The following CDC42BPA variants were observed in gnomAD, a reference collection of about 807,000 sequenced individuals.
The protein encoded by CDC42BPA is CDC42 binding protein kinase alpha.
In CDC42BPA, 80 loss-of-function variants were observed where a neutral mutation model predicts 223.5. The ratio of observed to expected loss-of-function variants is 0.36; its 90% CI spans 0.30 to 0.43. CDC42BPA has a LOEUF of 0.43. CDC42BPA is among the 20% of genes least tolerant of loss of function. CDC42BPA has a pLI of 1.00. For synonymous variants in CDC42BPA, 694 were observed against 718.6 expected, an observed-to-expected ratio of 0.97 and a Z score of 0.55; for missense variants, 1,743 against 2,099.9, an observed-to-expected ratio of 0.83 and a Z score of 3.32.
At chr1:227,217,299 T>C (rs1438828780) in intron 2 of CDC42BPA, among the ~76,000 whole-genome samples, 2 of 151,736 alleles carry the variant, frequency 1.3e-5, no homozygotes, top group Admixed American at 1.3e-4. Flanking sequence ...ATACAAAAAT[T>C]GGCTGGGTGT....
intron 5 of CDC42BPA, among the ~76,000 whole-genome samples, chr1:227,191,943 A>AC (rs1183516671): frequency 2.1e-5 from 3 of 142,972 alleles, no homozygotes; most frequent in South Asian, 2.3e-4. Context: ...ACACAGTGAG[A>AC]CCCCCATCTC....
chr1:227,175,680 C>T lies in CDC42BPA; in HGVS notation c.600-15044G>A, dbSNP rs114479170. Among the ~76,000 whole-genome samples, 300 of 152,184 alleles carry T rather than the reference C, an allele frequency of 2.0e-3. 3 individuals are homozygous for T. Among genetic ancestry groups the T allele is most frequent in the African/African-American group, 6.9e-3 (285 of 41,534 alleles). On this transcript the variant is annotated intron_variant, in intron 5 of 36. Transcript: ENST00000366766. The stretch of plus-strand genomic sequence containing the variant: ...TTAAATTTGAAATTTTCCCATCTTA[C>T]GCCACTAGTAACCTTTCCAATTTGA...
In CDC42BPA at chr1:227,002,944, TA is replaced by T. The variant is rs368057666; in HGVS notation, c.4975+2049del. On this transcript the variant is annotated intron_variant, in intron 35 of 36. Coordinates refer to ENST00000366766, the MANE Select transcript of CDC42BPA (RefSeq NM_001394014.1). ...CTGACCCTGAGGCAGTGTGAGATAATAAATGTTTGCTATTTTAAGCTATGAG... is the reference window on the plus strand; with the variant it reads ...CTGACCCTGAGGCAGTGTGAGATAATAATGTTTGCTATTTTAAGCTATGAG... Among the ~76,000 whole-genome samples, 36 of 152,320 alleles carry T rather than the reference TA, an allele frequency of 2.4e-4. No homozygotes were observed. The South Asian group carries it at 7.3e-3, about 31-fold the overall frequency.
chr1:227,155,531 T>C (rs1662587566), intron 6 of CDC42BPA, among the ~76,000 whole-genome samples: 1 of 151,968 alleles, frequency 6.6e-6, no homozygotes, highest in African/African-American at 2.4e-5. Context: ...ACCTATGCAG[T>C]AGGTCTCTAG....
chr1:227,083,635 C>A (rs1681183542), intron 16 of CDC42BPA, among the ~76,000 whole-genome samples: 1 of 152,114 alleles, frequency 6.6e-6, no homozygotes, highest in South Asian at 2.1e-4. Flanking sequence ...TTACTGCATG[C>A]CACATATCGT....
At chr1:227,066,388 C>CA (rs60663061) in intron 21 of CDC42BPA, among the ~76,000 whole-genome samples, 51 of 144,514 alleles carry the variant, frequency 3.5e-4, no homozygotes, top group East Asian at 1.2e-3. Context: ...AACTCTGTCT[C>CA]AAAAAAAAAA....
At chr1:227,092,359 G>A (rs903613270) in intron 15 of CDC42BPA, among the ~76,000 whole-genome samples, 25 of 152,152 alleles carry the variant, frequency 1.6e-4, no homozygotes, top group Admixed American at 4.6e-4. Flanking sequence ...GTTCTAAATT[G>A]TATATATATG....
chr1:227,163,577 T>G (rs544260551), intron 5 of CDC42BPA, among the ~76,000 whole-genome samples: 1 of 152,022 alleles, frequency 6.6e-6, no homozygotes, highest in African/African-American at 2.4e-5. Context: ...CCTGTTAATA[T>G]CCCTTGCCGT....
intron 35 of CDC42BPA, among the ~76,000 whole-genome samples, chr1:227,002,458 T>C (rs749402860): frequency 2.0e-5 from 3 of 152,248 alleles, no homozygotes; most frequent in East Asian, 1.9e-4. Flanking sequence ...TTCTTGTCAA[T>C]TGAAAGCTCC....
intron 5 of CDC42BPA, among the ~76,000 whole-genome samples, chr1:227,173,052 T>C (rs1470931013): frequency 6.6e-6 from 1 of 152,174 alleles, no homozygotes; most frequent in East Asian, 1.9e-4. Flanking sequence ...CTATGCTAAA[T>C]AGTTCTGTAC....
At chr1:227,303,021 T>TTC (rs56967543) in intron 1 of CDC42BPA, among the ~76,000 whole-genome samples, 2 of 148,550 alleles carry the variant, frequency 1.3e-5, no homozygotes, top group African/African-American at 2.4e-5. Flanking sequence ...TTTTTTTTTT[T>TTC]CGAAGTTATG....
At chr1:227,221,693 AAAC>A (rs1675932719) in intron 2 of CDC42BPA, among the ~76,000 whole-genome samples, 1 of 151,898 alleles carries the variant, frequency 6.6e-6, no homozygotes, top group African/African-American at 2.4e-5. Context: ...TGGGCTCAGA[AAAC>A]AATACTCCAA....
chr1:227,247,083 C>G lies in CDC42BPA; in HGVS notation c.270+6981G>C, dbSNP rs1681106491. ...AGGGGTGGTGGTGGGTGCCTGTAAT[C>G]CCAGCTACTCAGCAGGCTGACATGG... On this transcript the variant is annotated intron_variant, in intron 2 of 36. Transcript: ENST00000366766. 2.0e-5 allele frequency among the ~76,000 whole-genome samples: 3 copies of G among 151,806 alleles called. No individual in the cohort carries two copies. The South Asian group carries it at 6.3e-4, about 32-fold the overall frequency.
At chr1:227,054,335 T>C (rs1330193205) in intron 21 of CDC42BPA, among the ~76,000 whole-genome samples, 2 of 152,232 alleles carry the variant, frequency 1.3e-5, no homozygotes, top group Non-Finnish European at 2.9e-5. Flanking sequence ...TTACAGCAGG[T>C]CTGCTCTTTG....
At chr1:227,099,935 A>G (rs1684690355) in intron 15 of CDC42BPA, among the ~76,000 whole-genome samples, 1 of 152,098 alleles carries the variant, frequency 6.6e-6, no homozygotes, top group African/African-American at 2.4e-5. Flanking sequence ...ATGGGACAGG[A>G]ATTTTTTTCA....
intron 2 of CDC42BPA, chr1:227,234,832 G>A (rs1325096851): frequency 6.6e-6 from 1 of 152,178 alleles, no homozygotes; most frequent in Non-Finnish European, 1.5e-5. Flanking sequence ...TGGCCCACAG[G>A]CCGCATGTGG....
At chr1:227,104,719 A>T (rs1334364359) in intron 14 of CDC42BPA, among the ~76,000 whole-genome samples, 1 of 152,172 alleles carries the variant, frequency 6.6e-6, no homozygotes, top group Non-Finnish European at 1.5e-5. Context: ...GCGTCCTTAT[A>T]AAAGGAGAAA....
At chr1:227,105,168 C>T (rs150408624) in intron 14 of CDC42BPA, among the ~76,000 whole-genome samples, 10 of 152,148 alleles carry the variant, frequency 6.6e-5, no homozygotes, top group African/African-American at 2.4e-4. Context: ...AACCATTCTA[C>T]ATGCACAATT....
intron 33 of CDC42BPA, among the ~76,000 whole-genome samples, chr1:227,016,574 G>C (rs987514239): frequency 4.6e-5 from 7 of 152,160 alleles, no homozygotes; most frequent in African/African-American, 1.7e-4. Context: ...CTCATGAAGA[G>C]AGTAGTTAGT....
Sources: allele counts gnomAD v4.1 joint callset (sites outside exome capture counted in the v4.1 genomes callset), GRCh38; gene constraint gnomAD v4.1.1; transcripts MANE v1.5; gene names NCBI Gene and HGNC (gene_info 2026-07-23, HGNC 2026-07-21).